FRMD4B: variants seen among roughly 807,000 people sequenced by gnomAD.
The protein encoded by FRMD4B is FERM domain-containing protein 4B.
FRMD4B carries 74 observed loss-of-function variants against 141.5 expected under a neutral mutation model. That is an observed-to-expected ratio of 0.52 (90% CI 0.43 to 0.63). The LOEUF (loss-of-function observed/expected upper bound fraction) is 0.63, where lower values mean the gene tolerates loss of function less well. Among genes scored for constraint, FRMD4B ranks in the 30% least tolerant of loss-of-function variants. The pLI is 0.00. For missense variants in FRMD4B, 1,366 were observed against 1,253.4 expected, an observed-to-expected ratio of 1.09 and a Z score of -1.36; for synonymous variants, 506 against 467.9, an observed-to-expected ratio of 1.08 and a Z score of -1.05.
At chr3:69,198,993 G>A (rs889483300) in intron 11 of FRMD4B, 5 of 492,990 alleles carry the variant, frequency 1.0e-5, no homozygotes, top group East Asian at 3.6e-5. Context: ...CACCTCGGCC[G>A]GGCGCGGTGG....
At chr3:69,442,274 A>C (rs1368693467) in intron 1 of FRMD4B, among the ~76,000 whole-genome samples, 1 of 152,008 alleles carries the variant, frequency 6.6e-6, no homozygotes, top group Non-Finnish European at 1.5e-5. Flanking sequence ...TAGAGATGGG[A>C]TCTCACTATA....
intron 1 of FRMD4B, among the ~76,000 whole-genome samples, chr3:69,374,347 T>A (rs189006873): frequency 6.6e-6 from 1 of 152,324 alleles, no homozygotes; most frequent in Non-Finnish European, 1.5e-5. Context: ...CTCTAGCCCA[T>A]TCTATTTCCC....
chr3:69,230,277 C>G (rs2093295129), intron 7 of FRMD4B, among the ~76,000 whole-genome samples: 2 of 152,108 alleles, frequency 1.3e-5, no homozygotes, highest in South Asian at 2.1e-4. Context: ...CGTCCGGCGA[C>G]TATCAAACTT....
chr3:69,380,510 A>T (rs1704088231), intron 1 of FRMD4B, among the ~76,000 whole-genome samples: 1 of 152,164 alleles, frequency 6.6e-6, no homozygotes, highest in South Asian at 2.1e-4. Flanking sequence ...AGTGATATAT[A>T]TGTTCCGTCA....
chr3:69,344,377 G>A (rs114443401), intron 1 of FRMD4B, among the ~76,000 whole-genome samples: 2 of 152,326 alleles, frequency 1.3e-5, no homozygotes, highest in East Asian at 3.9e-4. Flanking sequence ...GAAAGGAAGG[G>A]AAAGAGGGAG....
chr3:69,350,301 GATC>G (rs1388365692), intron 1 of FRMD4B, among the ~76,000 whole-genome samples: 2 of 151,932 alleles, frequency 1.3e-5, no homozygotes, highest in Non-Finnish European at 2.9e-5. Flanking sequence ...TTAGAATGGC[GATC>G]ATTAAAAAGT....
intron 1 of FRMD4B, among the ~76,000 whole-genome samples, chr3:69,500,192 G>T (rs936502893): frequency 1.3e-5 from 2 of 152,158 alleles, no homozygotes; most frequent in Non-Finnish European, 2.9e-5. Flanking sequence ...AGCTGTCCCC[G>T]GGCTGCTCTG....
chr3:69,233,287 G>C (rs1230357968), intron 7 of FRMD4B, among the ~76,000 whole-genome samples: 1 of 151,976 alleles, frequency 6.6e-6, no homozygotes, highest in East Asian at 1.9e-4. Context: ...TTCGAGACCA[G>C]CCTGGCCAAC....
chr3:69,415,369 C>T (rs1704839769), intron 2 of FRMD4B, among the ~76,000 whole-genome samples: 1 of 152,140 alleles, frequency 6.6e-6, no homozygotes, highest in Non-Finnish European at 1.5e-5. Flanking sequence ...TCCATGCCCC[C>T]AGTTCTTTCA....
intron 1 of FRMD4B, among the ~76,000 whole-genome samples, chr3:69,465,012 T>C (rs898663732): frequency 3.3e-5 from 5 of 152,196 alleles, no homozygotes; most frequent in African/African-American, 9.7e-5. Context: ...CTGATGTTAT[T>C]TGGACCTTAA....
chr3:69,294,308 T>G (rs1168999637), intron 4 of FRMD4B, among the ~76,000 whole-genome samples: 1 of 152,222 alleles, frequency 6.6e-6, no homozygotes, highest in East Asian at 1.9e-4. Context: ...CTCTGTTTAT[T>G]GCTTGTAATG....
chr3:69,238,716 C>T (rs1352825289), intron 7 of FRMD4B, among the ~76,000 whole-genome samples: 1 of 152,136 alleles, frequency 6.6e-6, no homozygotes. Flanking sequence ...CCAGGGGGCA[C>T]GTGATCTGCA....
chr3:69,528,241 C>T (rs1338664708), intron 1 of FRMD4B, among the ~76,000 whole-genome samples: 2 of 151,928 alleles, frequency 1.3e-5, no homozygotes, highest in East Asian at 1.9e-4. Flanking sequence ...TCCCTCCCTC[C>T]CTGCCTCCCT....
intron 2 of FRMD4B, among the ~76,000 whole-genome samples, chr3:69,399,356 C>G (rs998930087): frequency 6.6e-6 from 1 of 152,218 alleles, no homozygotes; most frequent in African/African-American, 2.4e-5. Flanking sequence ...TTCATTCACT[C>G]TTATGTCCTT....
At chr3:69,355,212 T>C (rs532998627) in intron 1 of FRMD4B, among the ~76,000 whole-genome samples, 8 of 152,224 alleles carry the variant, frequency 5.3e-5, no homozygotes, top group Middle Eastern at 3.4e-3. Context: ...CTGAATAAAA[T>C]TATCCTATCA....
At chr3:69,218,146 T>C (rs376513758) in intron 10 of FRMD4B, among the ~76,000 whole-genome samples, 176 bp downstream of exon 10, 48 of 152,302 alleles carry the variant, frequency 3.2e-4, no homozygotes, top group African/African-American at 1.1e-3. Flanking sequence ...CATTTTAGGA[T>C]GAAGAGAGGT....
At chr3:69,500,508 G>T (rs143027052) in intron 1 of FRMD4B, among the ~76,000 whole-genome samples, 280 of 152,192 alleles carry the variant, frequency 1.8e-3, no homozygotes, top group African/African-American at 6.6e-3. Context: ...CCAGTGAAGA[G>T]AATTAATGAA....
At chr3:69,397,065 T>C (rs765808860) in intron 2 of FRMD4B, among the ~76,000 whole-genome samples, 24 of 152,200 alleles carry the variant, frequency 1.6e-4, no homozygotes, top group Non-Finnish European at 3.2e-4. Flanking sequence ...GACATGAATG[T>C]TCACAGAAGC....
At chr3:69,203,085 A>T (rs1304086357) in intron 11 of FRMD4B, among the ~76,000 whole-genome samples, 1 of 116,198 alleles carries the variant, frequency 8.6e-6, no homozygotes, top group African/African-American at 3.3e-5. Flanking sequence ...AAGATGAAGT[A>T]AAAAAAAAAA....
Sources: gnomAD v4.1 joint callset for allele counts (sites outside exome capture counted in the v4.1 genomes callset) on GRCh38, gnomAD v4.1.1 for gene constraint, MANE v1.5 for transcripts, NCBI Gene and HGNC (gene_info 2026-07-23, HGNC 2026-07-21) for gene names.